The following SLC8B1 variants were observed in gnomAD, a reference collection of about 807,000 sequenced individuals.
SLC8B1 encodes the protein solute carrier family 8 member B1, also known as mitochondrial sodium/calcium exchanger protein.
In SLC8B1, 52 loss-of-function variants were observed where a neutral mutation model predicts 63.4. The ratio of observed to expected loss-of-function variants is 0.82; its 90% CI spans 0.66 to 1.03. The LOEUF (loss-of-function observed/expected upper bound fraction) is 1.03. Ranked by LOEUF, SLC8B1 falls within the 50% of genes least tolerant of loss-of-function variation. The pLI, the probability that SLC8B1 is intolerant of heterozygous loss-of-function variation, is 0.00. For missense variants in SLC8B1, 657 were observed against 741.7 expected (o/e 0.89, Z 1.33); for synonymous variants, 336 against 323.9 (o/e 1.04, Z -0.40).
In SLC8B1 at chr12:113,321,244, G is replaced by C. The variant is rs1303730424; in HGVS notation, c.261C>G (p.Ile87Met). Residue 87 changes from isoleucine (I) to methionine (M), a missense_variant, in exon 3 of 16, where the codon ATC becomes ATG. Coordinates refer to ENST00000680972, the MANE Select transcript of SLC8B1 (RefSeq NM_001358345.2). ...DGGYLDYLEGIFCHFPPSLLP... is the reference protein window; with the variant it reads ...DGGYLDYLEGMFCHFPPSLLP... ...GGAGGCTGGGAGGGAAGTGGCAGAA[G>C]ATGCCTTCCAGGTAGTCCAGGTACC... 3 of 1,614,074 alleles carry C rather than the reference G, an allele frequency of 1.9e-6. No homozygotes were observed. The highest frequency in any genetic ancestry group is 2.5e-6 in the Non-Finnish European group (3 of 1,180,034).
intron 15 of SLC8B1, among the ~76,000 whole-genome samples, chr12:113,304,088 C>G (rs1956637337): frequency 6.6e-6 from 1 of 152,112 alleles, no homozygotes; most frequent in South Asian, 2.1e-4. Flanking sequence ...ACCACGTTGG[C>G]CAGGCTGGTC....
chr12:113,299,498 G>A lies in SLC8B1; in HGVS notation c.*279C>T, dbSNP rs144094395. On this transcript the variant is annotated 3_prime_UTR_variant, in exon 16 of 16. Transcript: ENST00000680972. ...CTCCAGCCCTTCTCAGAGGGGCTCT[G>A]GGGGTCATTCAAGGGGGACTTCTAG... 4.8e-6 allele frequency: 2 copies of A among 419,734 alleles called. No individual in the cohort carries two copies. The highest frequency in any genetic ancestry group is 8.9e-6 in the Non-Finnish European group (2 of 223,658). 26.0% of individuals were successfully genotyped at this position (419,734 alleles called of 1,614,324 possible).
At chr12:113,303,141 A>ACACG (rs773636454) in intron 15 of SLC8B1, among the ~76,000 whole-genome samples, 70 of 145,738 alleles carry the variant, frequency 4.8e-4, no homozygotes, top group African/African-American at 1.5e-3. Flanking sequence ...ACACACACAC[A>ACACG]CGCGCGCGCA....
In SLC8B1 at chr12:113,320,950, GC is replaced by G; in HGVS notation, c.363-44del. The G allele has an allele frequency of 2.5e-6, 4 of 1,592,288 alleles. No homozygotes were observed. The highest frequency in any genetic ancestry group is 2.3e-5 in the South Asian group (2 of 87,858). ...ACGGGAAGCATTTCCGTAGTAACCG[GC>G]CCCGGACCCCTATCCTTCCCCCAAA... On this transcript the variant is annotated intron_variant, in intron 4 of 15. Transcript: ENST00000680972. The surrounding 1 kb of genome is among the most constrained non-coding windows in gnomAD (Gnocchi z 5.3).
At chr12:113,306,654 CCA>C in intron 13 of SLC8B1, 79 bp from the exon 14 acceptor site, 1 of 1,204,802 alleles carries the variant, frequency 8.3e-7, no homozygotes, top group Admixed American at 1.9e-5. Context: ...TCATTCTCAC[CCA>C]CGGTCATTCA....
intron 13 of SLC8B1, chr12:113,306,970 G>A: frequency 4.3e-6 from 1 of 234,952 alleles, no homozygotes. Flanking sequence ...AATTAGCTGG[G>A]CATGGTAGTG....
chr12:113,324,472 T>A (rs1172502781), intron 2 of SLC8B1, among the ~76,000 whole-genome samples: 1 of 132,636 alleles, frequency 7.5e-6, no homozygotes, highest in Non-Finnish European at 1.6e-5. Flanking sequence ...AATAGCACAA[T>A]CTCGGCTCAC....
chr12:113,320,734 C>A lies in SLC8B1; in HGVS notation c.421-48G>T, dbSNP rs771653082. ...GGCCAGGATCGCAGCTGCAGCCCACCCAGGCCTTCGACCCTATCCCCCAGC... is the reference window on the plus strand; with the variant it reads ...GGCCAGGATCGCAGCTGCAGCCCACACAGGCCTTCGACCCTATCCCCCAGC... On this transcript the variant is annotated intron_variant, in intron 5 of 15. Coordinates refer to ENST00000680972, the MANE Select transcript of SLC8B1 (RefSeq NM_001358345.2). The surrounding 1 kb of genome is among the most constrained non-coding windows in gnomAD (Gnocchi z 5.3). The A allele has an allele frequency of 5.0e-6, 8 of 1,592,308 alleles. No homozygotes were observed. The East Asian group carries it at 6.8e-5, about 14-fold the overall frequency.
chr12:113,310,845 C>T (rs1179601771), intron 11 of SLC8B1, among the ~76,000 whole-genome samples: 1 of 152,218 alleles, frequency 6.6e-6, no homozygotes, highest in African/African-American at 2.4e-5. Flanking sequence ...CAAAGGGAGA[C>T]ACCCTAAGGT....
chr12:113,324,490 T>C (rs924143765), intron 2 of SLC8B1, among the ~76,000 whole-genome samples: 1 of 129,802 alleles, frequency 7.7e-6, no homozygotes, highest in African/African-American at 2.9e-5. Flanking sequence ...CACTGAAACC[T>C]CCACCTCTCG....
rs1352862417 is a variant in SLC8B1, at chr12:113,307,923, GGAT to G, written c.1258-82_1258-80del. The G allele has an allele frequency of 2.6e-6, 4 of 1,524,416 alleles. No individual in the cohort carries two copies. In the South Asian group the frequency reaches 3.7e-5, roughly 14 times the overall value. 94.4% of individuals were successfully genotyped at this position (1,524,416 alleles called of 1,614,324 possible). A position where few individuals can be genotyped will look rare whatever the true frequency, so the allele number is the denominator to read the frequency against. ...GCCTCAGTTCCTCACCTGTGAAACG[GGAT>G]GATAACAGTATCTACCTCATGAGCT... is the stretch of plus-strand genomic sequence containing the variant. On this transcript the variant is annotated intron_variant, in intron 12 of 15. Coordinates refer to ENST00000680972, the MANE Select transcript of SLC8B1 (RefSeq NM_001358345.2).
At chr12:113,318,892 TG>T in intron 8 of SLC8B1, 71 bp downstream of exon 8, 1 of 1,195,330 alleles carries the variant, frequency 8.4e-7, no homozygotes, top group Non-Finnish European at 1.2e-6. Context: ...CAGGAGACCC[TG>T]GGCAGCACTG....
intron 11 of SLC8B1, among the ~76,000 whole-genome samples, chr12:113,310,974 CTTT>C (rs1244935215): frequency 2.6e-5 from 4 of 152,164 alleles, no homozygotes; most frequent in Admixed American, 6.6e-5. Flanking sequence ...TTCTTTTGTT[CTTT>C]TTTTAGTCTA....
At chr12:113,309,734 C>G (rs1242610840) in intron 12 of SLC8B1, among the ~76,000 whole-genome samples, 1 of 152,052 alleles carries the variant, frequency 6.6e-6, no homozygotes, top group Admixed American at 6.6e-5. Context: ...CTAGCCTGGA[C>G]AGCAGAGGGA....
intron 2 of SLC8B1, among the ~76,000 whole-genome samples, chr12:113,324,087 G>A (rs1447645433): frequency 2.6e-5 from 4 of 152,138 alleles, no homozygotes; most frequent in Non-Finnish European, 5.9e-5. Context: ...TGAGGCAGGA[G>A]GATCGCTTAA....
At chr12:113,302,074 T>C (rs969165184) in intron 15 of SLC8B1, 4 of 152,518 alleles carry the variant, frequency 2.6e-5, no homozygotes, top group African/African-American at 9.7e-5. Context: ...ATATGTGTAG[T>C]AGGATAAGTA....
intron 7 of SLC8B1, among the ~76,000 whole-genome samples, chr12:113,319,650 T>C (rs1459496886): frequency 1.3e-5 from 2 of 152,182 alleles, no homozygotes; most frequent in African/African-American, 4.8e-5. Flanking sequence ...CGGTTTCCCT[T>C]GCTGGTTTCA....
chr12:113,300,784 T>G (rs1956576897), intron 15 of SLC8B1, among the ~76,000 whole-genome samples: 1 of 152,190 alleles, frequency 6.6e-6, no homozygotes, highest in African/African-American at 2.4e-5. Flanking sequence ...TGAACTCTAG[T>G]CAACGACATG....
At chr12:113,300,016 C>T (rs1353211887) in intron 15 of SLC8B1, 42 bp from the exon 16 acceptor site, 22 of 1,582,970 alleles carry the variant, frequency 1.4e-5, no homozygotes, top group Non-Finnish European at 1.9e-5. Flanking sequence ...CACTGCCCGT[C>T]ACAGGCCCCG....
Sources: allele counts gnomAD v4.1 joint callset (sites outside exome capture counted in the v4.1 genomes callset), GRCh38; gene constraint gnomAD v4.1.1; non-coding constraint Gnocchi (gnomAD v3.1); transcripts MANE v1.5; gene names NCBI Gene and HGNC (gene_info 2026-07-23, HGNC 2026-07-21).